COL14A1: variants seen among roughly 807,000 people sequenced by gnomAD.
COL14A1 encodes the protein collagen type XIV alpha 1 chain.
COL14A1 carries 136 observed loss-of-function variants against 230.3 expected under a neutral mutation model. That is an observed-to-expected ratio of 0.59 (90% CI 0.51 to 0.68). The LOEUF (loss-of-function observed/expected upper bound fraction) is 0.68, where lower values mean the gene tolerates loss of function less well. Among genes scored for constraint, COL14A1 ranks in the 30% least tolerant of loss-of-function variants. The pLI is 0.00. For missense variants in COL14A1, 1,976 were observed against 2,215.8 expected (o/e 0.89, Z 2.17); for synonymous variants, 792 against 784.1 (o/e 1.01, Z -0.17).
intron 40 of COL14A1, among the ~76,000 whole-genome samples, chr8:120,329,905 G>T (rs184076859): frequency 6.6e-6 from 1 of 152,272 alleles, no homozygotes; most frequent in Non-Finnish European, 1.5e-5. Flanking sequence ...CAGCAAGGGT[G>T]GGTGGAGGAG....
At position 120,277,889 on chromosome 8, in the gene COL14A1, C is replaced by A. The variant is rs1053923103; in HGVS notation, c.3214-222C>A. The A allele has an allele frequency of 1.1e-5, 3 of 282,104 alleles. No homozygotes were observed. In the Admixed American group the frequency reaches 1.4e-4, roughly 14 times the overall value. 17.5% of individuals were successfully genotyped at this position (282,104 alleles called of 1,614,324 possible). A position where few individuals can be genotyped will look rare whatever the true frequency, so the allele number is the denominator to read the frequency against. On this transcript the variant is annotated intron_variant, in intron 26 of 47. Transcript: ENST00000297848. Reference sequence around the variant, plus strand: ...CGTTTACCCATGTAACAAACCTACACAATGTACCCTCTGAATCTAAAATAA... The same window carrying A: ...CGTTTACCCATGTAACAAACCTACAAAATGTACCCTCTGAATCTAAAATAA...
intron 42 of COL14A1, among the ~76,000 whole-genome samples, 174 bp downstream of exon 42, chr8:120,332,909 G>A (rs1052696988): frequency 6.6e-6 from 1 of 152,210 alleles, no homozygotes; most frequent in African/African-American, 2.4e-5. Context: ...ATCAGATTAT[G>A]CATATGTCAT....
chr8:120,292,638 T>C (rs1202916947), intron 34 of COL14A1, among the ~76,000 whole-genome samples: 1 of 152,138 alleles, frequency 6.6e-6, no homozygotes, highest in Non-Finnish European at 1.5e-5. Context: ...CTAACCTTGA[T>C]ATACATTTGT....
In COL14A1 at chr8:120,278,102, T is replaced by C; in HGVS notation, c.3214-9T>C. 6.3e-7 allele frequency: 1 copy of C among 1,597,530 alleles called. No individual in the cohort carries two copies. Among genetic ancestry groups the C allele is most frequent in the Non-Finnish European group, 8.5e-7 (1 of 1,173,694 alleles). ...TATGTGTGAAAATGAATACACCTTC[T>C]CTCTCCAGGTTGCAATGGTTCAGTT... On this transcript the variant is annotated splice_polypyrimidine_tract_variant and intron_variant, in intron 26 of 47. Transcript: ENST00000297848.
intron 36 of COL14A1, among the ~76,000 whole-genome samples, chr8:120,309,795 G>A (rs760582944): frequency 4.6e-5 from 7 of 152,022 alleles, no homozygotes; most frequent in Non-Finnish European, 1.0e-4. Flanking sequence ...AAAGAATTTG[G>A]CAAAGAAAGT....
At chr8:120,224,150 C>G (rs535371393) in intron 14 of COL14A1, among the ~76,000 whole-genome samples, 1 of 150,476 alleles carries the variant, frequency 6.6e-6, no homozygotes, top group South Asian at 2.1e-4. Flanking sequence ...CCATGGCCTC[C>G]TGAGTAGCTG....
At chr8:120,311,732 A>G (rs1333281259) in intron 37 of COL14A1, among the ~76,000 whole-genome samples, 2 of 152,156 alleles carry the variant, frequency 1.3e-5, no homozygotes, top group Non-Finnish European at 2.9e-5. Context: ...TTTTTGCCTC[A>G]TATTTTATAG....
chr8:120,254,736 G>A (rs1033438062), intron 22 of COL14A1, among the ~76,000 whole-genome samples: 2 of 149,168 alleles, frequency 1.3e-5, no homozygotes, highest in African/African-American at 5.0e-5. Context: ...TGTAATCCCA[G>A]CACTTTGGGA....
chr8:120,350,771 C>G (rs1436181556), intron 45 of COL14A1, among the ~76,000 whole-genome samples: 1 of 148,702 alleles, frequency 6.7e-6, no homozygotes, highest in Non-Finnish European at 1.5e-5. Flanking sequence ...GACTTAGACT[C>G]CCACACATTA....
At chr8:120,262,783 A>G (rs765102720) in intron 23 of COL14A1, 85 bp from the exon 24 acceptor site, 1 of 1,375,458 alleles carries the variant, frequency 7.3e-7, no homozygotes, top group Non-Finnish European at 9.9e-7. Context: ...CATGTGAAGT[A>G]TTTTAGAAGC....
chr8:120,337,570 A>G (rs1822129240), intron 42 of COL14A1, among the ~76,000 whole-genome samples: 1 of 152,172 alleles, frequency 6.6e-6, no homozygotes, highest in African/African-American at 2.4e-5. Flanking sequence ...TGTTTAACAG[A>G]CATCTTTAAT....
At chr8:120,311,548 GA>G (rs901556133) in intron 37 of COL14A1, among the ~76,000 whole-genome samples, 8 of 152,138 alleles carry the variant, frequency 5.3e-5, no homozygotes, top group Non-Finnish European at 1.2e-4. Context: ...GTGGTTTTTG[GA>G]AAAAGTCTTA....
intron 42 of COL14A1, among the ~76,000 whole-genome samples, chr8:120,338,145 CA>C (rs1252872759): frequency 1.3e-5 from 2 of 148,256 alleles, no homozygotes; most frequent in African/African-American, 2.5e-5. Context: ...AGAAAACTGT[CA>C]AAAAATGTAT....
intron 42 of COL14A1, among the ~76,000 whole-genome samples, chr8:120,336,235 T>C (rs1007666095): frequency 3.3e-5 from 5 of 152,022 alleles, no homozygotes; most frequent in Non-Finnish European, 4.4e-5. Flanking sequence ...AGCAAATTGC[T>C]CTGAAAGCTC....
At chr8:120,173,562 A>G (rs556472649) in intron 5 of COL14A1, among the ~76,000 whole-genome samples, 1 of 62,672 alleles carries the variant, frequency 1.6e-5, no homozygotes, top group South Asian at 4.4e-4. Flanking sequence ...CTAGCAATCA[A>G]TCATCTATCT....
At position 120,231,596 on chromosome 8, in the gene COL14A1, C is replaced by G; in HGVS notation, c.2327C>G (p.Pro776Arg). 1.2e-6 allele frequency: 2 copies of G among 1,613,774 alleles called. No homozygotes were observed. The highest frequency in any genetic ancestry group is 2.2e-5 in the South Asian group (2 of 91,012). Reference sequence around the variant, plus strand: ...ACCTACATGACAGCTCAAGGGGACCCTGAGGAAGAAGTCATAGGAACGGTC... The same window carrying G: ...ACCTACATGACAGCTCAAGGGGACCGTGAGGAAGAAGTCATAGGAACGGTC... Reference protein sequence around the residue: ...RVTYMTAQGDPEEEVIGTVMV... With the variant: ...RVTYMTAQGDREEEVIGTVMV... The change falls in exon 19 of 48, where the codon CCT becomes CGT. Residue 776 changes from proline (P) to arginine (R), a missense_variant. Physicochemically the swap from Pro to Arg is moderately radical, Grantham distance 103. Coordinates refer to ENST00000297848, the MANE Select transcript of COL14A1 (RefSeq NM_021110.4).
intron 9 of COL14A1, among the ~76,000 whole-genome samples, chr8:120,206,283 A>T (rs1817428435): frequency 6.6e-6 from 1 of 152,092 alleles, no homozygotes; most frequent in Non-Finnish European, 1.5e-5. Flanking sequence ...TAGATGAGAT[A>T]AAAAAAACTT....
Position 120,249,132 on chromosome 8 carries a change from G to A in COL14A1, c.2602+1397G>A, listed in dbSNP as rs1156802954. On this transcript the variant is annotated intron_variant, in intron 21 of 47. Coordinates refer to ENST00000297848, the MANE Select transcript of COL14A1 (RefSeq NM_021110.4). ...TTTTTAGTAGAGACGGGGTTTCACC[G>A]TGGTCTCGATCTCCTGACCTCGTGA... 2.8e-5 allele frequency among the ~76,000 whole-genome samples: 4 copies of A among 144,468 alleles called. No homozygotes were observed. The Admixed American group carries it at 2.8e-4, about 10-fold the overall frequency. 94.8% of individuals were successfully genotyped at this position (144,468 alleles called of 152,430 possible). A position where few individuals can be genotyped will look rare whatever the true frequency, so the allele number is the denominator to read the frequency against.
At chr8:120,161,917 G>A (rs757586101) in intron 3 of COL14A1, among the ~76,000 whole-genome samples, 22 of 152,178 alleles carry the variant, frequency 1.4e-4, no homozygotes, top group Non-Finnish European at 2.8e-4. Flanking sequence ...TGCCTGCCTC[G>A]GCCTCCTAAA....
Sources: allele counts gnomAD v4.1 joint callset (sites outside exome capture counted in the v4.1 genomes callset), GRCh38; gene constraint gnomAD v4.1.1; transcripts MANE v1.5; gene names NCBI Gene and HGNC (gene_info 2026-07-23, HGNC 2026-07-21).